TMCO4: variants seen among roughly 807,000 people sequenced by gnomAD.
TMCO4 encodes the protein transmembrane and coiled-coil domain-containing protein 4.
Under a neutral mutation model 64.7 loss-of-function variants are expected in TMCO4, and 58 were observed. The observed-to-expected ratio is 0.90, with a 90% CI of 0.73 to 1.12. TMCO4 has a LOEUF of 1.12. TMCO4 is among the 50% of genes most tolerant of loss of function. The pLI is 0.00. For synonymous variants in TMCO4, 325 were observed against 346.1 expected, an observed-to-expected ratio of 0.94 and a Z score of 0.68; for missense variants, 780 against 825.9, an observed-to-expected ratio of 0.94 and a Z score of 0.68.
At chr1:19,797,033 C>G (rs1311824929) in intron 2 of TMCO4, among the ~76,000 whole-genome samples, 1 of 152,208 alleles carries the variant, frequency 6.6e-6, no homozygotes, top group African/African-American at 2.4e-5. Context: ...GGGTTCAATC[C>G]CTGTGTGCTG....
At chr1:19,788,343 T>C (rs2043847627) in intron 2 of TMCO4, among the ~76,000 whole-genome samples, 2 of 152,096 alleles carry the variant, frequency 1.3e-5, no homozygotes, top group African/African-American at 4.8e-5. Flanking sequence ...CCCCAAATTT[T>C]CTGCCACAAA....
chr1:19,718,256 A>C (rs2095365747), intron 13 of TMCO4, among the ~76,000 whole-genome samples: 2 of 151,784 alleles, frequency 1.3e-5, no homozygotes, highest in Admixed American at 1.3e-4. Flanking sequence ...AATCGCTTGA[A>C]CTCAGGAGGC....
At chr1:19,737,844 G>A (rs1008716424) in intron 12 of TMCO4, among the ~76,000 whole-genome samples, 2 of 152,236 alleles carry the variant, frequency 1.3e-5, no homozygotes, top group East Asian at 1.9e-4. Context: ...GACCCCTTCC[G>A]GAGCTGGGGA....
chr1:19,768,631 G>A (rs545536133), intron 6 of TMCO4, among the ~76,000 whole-genome samples: 2 of 152,258 alleles, frequency 1.3e-5, no homozygotes, highest in East Asian at 1.9e-4. Flanking sequence ...CGAAGGCCTC[G>A]CCTGCCTCAA....
At chr1:19,793,907 C>T (rs879362578) in intron 2 of TMCO4, among the ~76,000 whole-genome samples, 2 of 152,148 alleles carry the variant, frequency 1.3e-5, no homozygotes, top group African/African-American at 2.4e-5. Flanking sequence ...TGTTCAAGCA[C>T]AGCACCCAGA....
At chr1:19,790,751 G>A (rs1009408975) in intron 2 of TMCO4, among the ~76,000 whole-genome samples, 10 of 152,166 alleles carry the variant, frequency 6.6e-5, no homozygotes, top group East Asian at 1.9e-4. Context: ...ACGGTGTGGC[G>A]ATTCCTCAAA....
At chr1:19,726,015 G>C (rs911488470) in intron 13 of TMCO4, among the ~76,000 whole-genome samples, 2 of 152,200 alleles carry the variant, frequency 1.3e-5, no homozygotes, top group Admixed American at 1.3e-4. Context: ...AAACTTCATG[G>C]CTGCCTTTGT....
At chr1:19,689,255 T>C (rs529930072) in intron 15 of TMCO4, among the ~76,000 whole-genome samples, 11 of 152,288 alleles carry the variant, frequency 7.2e-5, no homozygotes, top group African/African-American at 2.6e-4. Flanking sequence ...TTACCTCTAA[T>C]TACCCAGAAG....
At chr1:19,711,804 T>C (rs1281242642) in intron 13 of TMCO4, among the ~76,000 whole-genome samples, 1 of 152,148 alleles carries the variant, frequency 6.6e-6, no homozygotes, top group East Asian at 1.9e-4. Flanking sequence ...ATTACAGGCA[T>C]GCGCCACCAT....
In TMCO4 at chr1:19,700,815, C is replaced by T. The variant is rs779412917; in HGVS notation, c.1335G>A (p.Glu445=). The T allele has an allele frequency of 2.5e-6, 4 of 1,614,248 alleles. No homozygotes were observed. The highest frequency in any genetic ancestry group is 3.3e-5 in the Admixed American group (2 of 60,032). Reference sequence around the variant, plus strand: ...TCCCGGACACCACCTTCCGGAAAGGCTCCCAATGCTTGGCTTCTCCCTCCA... The same window carrying T: ...TCCCGGACACCACCTTCCGGAAAGGTTCCCAATGCTTGGCTTCTCCCTCCA... The part of the protein sequence containing the change: ...APVEGEAKHW[E]PFRKVVSGRI... The change falls in exon 14 of 16, where the codon GAG becomes GAA. Residue 445 remains glutamate (E), a synonymous_variant. Coordinates refer to ENST00000294543, the MANE Select transcript of TMCO4 (RefSeq NM_181719.7).
intron 13 of TMCO4, among the ~76,000 whole-genome samples, chr1:19,705,966 T>A (rs927861218): frequency 2.2e-4 from 34 of 152,102 alleles, no homozygotes; most frequent in African/African-American, 8.2e-4. Context: ...TGTGGCGCAA[T>A]TGTGGCTCAC....
intron 7 of TMCO4, among the ~76,000 whole-genome samples, chr1:19,754,340 G>A (rs2042152008): frequency 6.6e-6 from 1 of 152,180 alleles, no homozygotes. Flanking sequence ...TCGTGATTAT[G>A]GTAATTGGCA....
chr1:19,765,833 A>G lies in TMCO4; in HGVS notation c.382+4709T>C, dbSNP rs76451182. On this transcript the variant is annotated intron_variant, in intron 6 of 15. Transcript: ENST00000294543. ...GAAGTTCTGAGAAATGCAGCTTTTC[A>G]TGCTAATTTCCTGGGCTGACTCCGT... 2.0e-5 allele frequency among the ~76,000 whole-genome samples: 3 copies of G among 152,196 alleles called. No individual in the cohort carries two copies. In the East Asian group the frequency reaches 5.8e-4, roughly 29 times the overall value.
intron 6 of TMCO4, among the ~76,000 whole-genome samples, chr1:19,764,783 A>C (rs906762237): frequency 2.4e-5 from 3 of 125,148 alleles, no homozygotes; most frequent in Non-Finnish European, 4.7e-5. Context: ...TGAACCCGGG[A>C]GGTGGAGGTT....
intron 15 of TMCO4, among the ~76,000 whole-genome samples, chr1:19,692,878 A>G (rs1037355098): frequency 2.6e-5 from 4 of 152,044 alleles, no homozygotes; most frequent in African/African-American, 9.7e-5. Flanking sequence ...CAAGTCTAAA[A>G]AAACTGAAGT....
intron 3 of TMCO4, among the ~76,000 whole-genome samples, chr1:19,782,263 C>T (rs1207801642): frequency 6.6e-6 from 1 of 152,146 alleles, no homozygotes; most frequent in Non-Finnish European, 1.5e-5. Flanking sequence ...GAATCTCAGA[C>T]AAAATGATAC....
At chr1:19,699,304 C>A (rs1249590320) in intron 14 of TMCO4, among the ~76,000 whole-genome samples, 1 of 151,834 alleles carries the variant, frequency 6.6e-6, no homozygotes, top group Non-Finnish European at 1.5e-5. Context: ...TTCATAATGT[C>A]ATTTAATCTT....
chr1:19,778,077 C>T (rs1362811855), intron 4 of TMCO4, among the ~76,000 whole-genome samples: 1 of 151,978 alleles, frequency 6.6e-6, no homozygotes. Context: ...CAAAAATATC[C>T]TAAGTGGTAG....
chr1:19,701,378 GC>G (rs113564575), intron 13 of TMCO4, among the ~76,000 whole-genome samples: 19 of 152,214 alleles, frequency 1.2e-4, no homozygotes, highest in African/African-American at 4.6e-4. Context: ...TACCATGTTG[GC>G]CAGTCTGGTC....
Sources: allele counts gnomAD v4.1 joint callset (sites outside exome capture counted in the v4.1 genomes callset), GRCh38; gene constraint gnomAD v4.1.1; transcripts MANE v1.5; gene names NCBI Gene and HGNC (gene_info 2026-07-23, HGNC 2026-07-21).